MARCHF1: variants seen among roughly 807,000 people sequenced by gnomAD.
MARCHF1 encodes membrane associated ring-CH-type finger 1.
Under a neutral mutation model 54.2 loss-of-function variants are expected in MARCHF1, and 40 were observed. The ratio of observed to expected loss-of-function variants is 0.74; its 90% CI spans 0.57 to 0.96. The LOEUF (loss-of-function observed/expected upper bound fraction) is 0.96. MARCHF1 is among the 40% of genes least tolerant of loss of function. The pLI is 0.00. For missense variants in MARCHF1, 586 were observed against 656.5 expected (o/e 0.89, Z 1.17); for synonymous variants, 236 against 236.3 (o/e 1.00, Z 0.01).
chr4:164,055,647 T>G (rs1754474166), intron 2 of MARCHF1, among the ~76,000 whole-genome samples: 1 of 152,164 alleles, frequency 6.6e-6, no homozygotes. Flanking sequence ...TCTTTTTGAC[T>G]TAAAATATAT....
chr4:164,026,152 A>G (rs936257832), intron 2 of MARCHF1, among the ~76,000 whole-genome samples: 22 of 152,174 alleles, frequency 1.4e-4, no homozygotes, highest in Non-Finnish European at 7.4e-5. Context: ...ATTCCAGCAG[A>G]CATACAAAGA....
Position 163,936,812 on chromosome 4 carries a change from A to G in MARCHF1, c.-39+51689T>C, listed in dbSNP as rs1486801386. Among the ~76,000 whole-genome samples the G allele has an allele frequency of 3.9e-5, 6 of 152,176 alleles. No individual in the cohort carries two copies. In the East Asian group the frequency reaches 9.6e-4, roughly 24 times the overall value. On this transcript the variant is annotated intron_variant, in intron 3 of 9. Coordinates refer to ENST00000514618, the MANE Select transcript of MARCHF1 (RefSeq NM_001394959.1). Reference sequence around the variant, plus strand: ...CTTTTCATTTTCCTCAGTGTCCCCAATTAGGTAAAACTAACAGCTGAAAAG... The same window carrying G: ...CTTTTCATTTTCCTCAGTGTCCCCAGTTAGGTAAAACTAACAGCTGAAAAG...
chr4:163,709,095 T>C (rs1264534091), intron 4 of MARCHF1, among the ~76,000 whole-genome samples: 1 of 152,176 alleles, frequency 6.6e-6, no homozygotes, highest in Non-Finnish European at 1.5e-5. Flanking sequence ...AGAACTCCTA[T>C]ATATGTCTAC....
chr4:163,710,891 T>C (rs867823827), intron 4 of MARCHF1, among the ~76,000 whole-genome samples: 1 of 152,140 alleles, frequency 6.6e-6, no homozygotes, highest in Non-Finnish European at 1.5e-5. Context: ...AAGCAATATA[T>C]AAAGTCAGGT....
At chr4:163,924,441 A>G (rs1751496739) in intron 3 of MARCHF1, among the ~76,000 whole-genome samples, 1 of 152,112 alleles carries the variant, frequency 6.6e-6, no homozygotes, top group African/African-American at 2.4e-5. Context: ...GTTCATGGGC[A>G]TACAAGTCTT....
At chr4:163,679,726 C>A (rs1184129654) in intron 5 of MARCHF1, among the ~76,000 whole-genome samples, 1 of 151,866 alleles carries the variant, frequency 6.6e-6, no homozygotes, top group Non-Finnish European at 1.5e-5. Flanking sequence ...CATTCTCCTG[C>A]CTCAGCCTCC....
intron 3 of MARCHF1, among the ~76,000 whole-genome samples, chr4:163,975,616 G>A (rs1227306024): frequency 1.3e-5 from 2 of 152,130 alleles, no homozygotes; most frequent in East Asian, 3.9e-4. Flanking sequence ...GAAATCAAGG[G>A]ATTGGCTTTA....
intron 3 of MARCHF1, among the ~76,000 whole-genome samples, chr4:163,875,774 T>C (rs1346953066): frequency 2.0e-5 from 3 of 152,298 alleles, no homozygotes; most frequent in Middle Eastern, 3.4e-3. Flanking sequence ...GTCAGGTTAA[T>C]TCCATTTGTT....
chr4:164,373,352 C>CTTT (rs5863683), intron 1 of MARCHF1, among the ~76,000 whole-genome samples: 1,939 of 91,558 alleles, frequency 0.021, 88 homozygotes, highest in East Asian at 0.1. Context: ...TGAAAAACTA[C>CTTT]TTTTTTTTTT....
chr4:164,339,538 A>C (rs1330829724), intron 1 of MARCHF1, among the ~76,000 whole-genome samples: 1 of 152,192 alleles, frequency 6.6e-6, no homozygotes, highest in East Asian at 1.9e-4. Flanking sequence ...AATTTAAAAC[A>C]ACATATCAAA....
intron 3 of MARCHF1, among the ~76,000 whole-genome samples, chr4:163,980,590 T>C (rs1360525869): frequency 2.6e-5 from 4 of 152,186 alleles, no homozygotes; most frequent in African/African-American, 4.8e-5. Context: ...AGTTCTCTTA[T>C]AATTTCACGG....
intron 1 of MARCHF1, among the ~76,000 whole-genome samples, chr4:164,140,912 C>T (rs1378953917): frequency 6.6e-6 from 1 of 152,188 alleles, no homozygotes; most frequent in Non-Finnish European, 1.5e-5. Flanking sequence ...TAAATTTTCT[C>T]AAGACAGTGC....
At chr4:163,895,655 G>T (rs139957858) in intron 3 of MARCHF1, among the ~76,000 whole-genome samples, 1 of 152,270 alleles carries the variant, frequency 6.6e-6, no homozygotes, top group East Asian at 1.9e-4. Flanking sequence ...ACTTAGCGAG[G>T]TCTGTTTATG....
At chr4:163,876,649 T>G (rs1012262149) in intron 3 of MARCHF1, among the ~76,000 whole-genome samples, 1 of 152,052 alleles carries the variant, frequency 6.6e-6, no homozygotes, top group Non-Finnish European at 1.5e-5. Context: ...GGCATCAGGA[T>G]AGAAGCAATA....
At chr4:163,743,780 C>T (rs1474441338) in intron 4 of MARCHF1, among the ~76,000 whole-genome samples, 1 of 151,936 alleles carries the variant, frequency 6.6e-6, no homozygotes, top group Non-Finnish European at 1.5e-5. Context: ...GGGGTTTCAC[C>T]GTGTTAGCTA....
chr4:163,603,242 A>C (rs986888668), intron 7 of MARCHF1, among the ~76,000 whole-genome samples: 6 of 152,152 alleles, frequency 3.9e-5, no homozygotes, highest in African/African-American at 1.4e-4. Flanking sequence ...TCTTATTTAT[A>C]ATGCAAATTT....
chr4:163,770,336 A>C (rs759943023), intron 4 of MARCHF1, among the ~76,000 whole-genome samples: 1 of 152,164 alleles, frequency 6.6e-6, no homozygotes, highest in Non-Finnish European at 1.5e-5. Flanking sequence ...TTAAATGGTC[A>C]GATGGAAAAG....
At chr4:164,089,169 G>A (rs778976775) in intron 2 of MARCHF1, among the ~76,000 whole-genome samples, 19 of 151,098 alleles carry the variant, frequency 1.3e-4, no homozygotes, top group Non-Finnish European at 2.4e-4. Flanking sequence ...TATTTTTCTC[G>A]AGAAAGAATA....
At chr4:163,898,447 A>C (rs973532290) in intron 3 of MARCHF1, among the ~76,000 whole-genome samples, 5 of 152,274 alleles carry the variant, frequency 3.3e-5, no homozygotes, top group African/African-American at 1.2e-4. Flanking sequence ...CAACATCAAT[A>C]TACATCGGAG....
Sources: gnomAD v4.1 joint callset for allele counts (sites outside exome capture counted in the v4.1 genomes callset) on GRCh38, gnomAD v4.1.1 for gene constraint, MANE v1.5 for transcripts, NCBI Gene and HGNC (gene_info 2026-07-23, HGNC 2026-07-21) for gene names.